Variants in MSL2 observed in about 807,000 individuals in gnomAD.
The protein encoded by MSL2 is MSL complex subunit 2.
In MSL2, 2 loss-of-function variants were observed where a neutral mutation model predicts 35.8. The observed-to-expected ratio is 0.06, with a 90% CI of 0.02 to 0.18. MSL2 has a LOEUF of 0.18. MSL2 is among the 10% of genes least tolerant of loss of function. The probability of loss-of-function intolerance (pLI) is 1.00; values close to 1 mark genes in which losing one functional copy is unlikely to be tolerated. For missense variants in MSL2, 523 were observed against 706.7 expected (o/e 0.74, Z 2.95); for synonymous variants, 296 against 255.7 (o/e 1.16, Z -1.50).
intron 1 of MSL2, among the ~76,000 whole-genome samples, chr3:136,178,678 G>A (rs570285351): frequency 6.6e-6 from 1 of 151,784 alleles, no homozygotes; most frequent in Non-Finnish European, 1.5e-5. Flanking sequence ...GAAATTACAG[G>A]CGCCCACCAT....
intron 1 of MSL2, among the ~76,000 whole-genome samples, chr3:136,191,377 A>T (rs538546186): frequency 9.2e-5 from 14 of 151,698 alleles, no homozygotes; most frequent in African/African-American, 3.4e-4. Flanking sequence ...CTGAGGCAGG[A>T]GAATCACTTG....
intron 1 of MSL2, among the ~76,000 whole-genome samples, chr3:136,165,099 T>G (rs966739386): frequency 6.6e-6 from 1 of 151,812 alleles, no homozygotes; most frequent in Non-Finnish European, 1.5e-5. Flanking sequence ...GGTCTTGAAC[T>G]GCTGGCGCTC....
chr3:136,174,028 C>T (rs1400965515), intron 1 of MSL2, among the ~76,000 whole-genome samples: 5 of 152,146 alleles, frequency 3.3e-5, no homozygotes, highest in Non-Finnish European at 5.9e-5. Flanking sequence ...AAGAGGAAGC[C>T]TTTCTTAATT....
intron 1 of MSL2, chr3:136,155,937 T>G: frequency 3.8e-6 from 2 of 524,538 alleles, no homozygotes; most frequent in Admixed American, 4.2e-5. Context: ...ACTCCAGAAC[T>G]ACTACTGTCT....
chr3:136,164,241 A>G (rs1394499831), intron 1 of MSL2, among the ~76,000 whole-genome samples: 2 of 152,208 alleles, frequency 1.3e-5, no homozygotes, highest in Non-Finnish European at 2.9e-5. Context: ...TAATCCAGCT[A>G]ATATGTTAAT....
In MSL2 at chr3:136,151,059, G is replaced by A. The variant is rs1939348574; in HGVS notation, c.*88C>T. 2 of 1,399,328 alleles carry A rather than the reference G, an allele frequency of 1.4e-6. No homozygotes were observed. The highest frequency in any genetic ancestry group is 3.9e-5 in the Admixed American group (2 of 51,098). 86.7% of individuals were successfully genotyped at this position (1,399,328 alleles called of 1,614,324 possible). On this transcript the variant is annotated 3_prime_UTR_variant, in exon 2 of 2. Transcript: ENST00000309993. This position sits in a 1 kb window ranked among gnomAD's most constrained non-coding sequence, Gnocchi z 5.2. ...TGATACAAGTGATCTATATGCAGGA[G>A]CTCCGGCAAGTTAAACCAACAGAAC...
chr3:136,165,589 A>C (rs1024785034), intron 1 of MSL2, among the ~76,000 whole-genome samples: 1 of 152,220 alleles, frequency 6.6e-6, no homozygotes, highest in Non-Finnish European at 1.5e-5. Flanking sequence ...TTAATGAGTG[A>C]ATCTTTTTAT....
At chr3:136,170,347 C>G (rs565197994) in intron 1 of MSL2, among the ~76,000 whole-genome samples, 153 of 78,676 alleles carry the variant, frequency 1.9e-3, no homozygotes, top group Non-Finnish European at 3.5e-3. Flanking sequence ...GAGCAAAAAT[C>G]CCTCTCAAAA....
At chr3:136,194,890 G>A (rs1940792507) in intron 1 of MSL2, 82 bp downstream of exon 1, 1 of 1,583,846 alleles carries the variant, frequency 6.3e-7, no homozygotes, top group Non-Finnish European at 8.6e-7. Flanking sequence ...CAACCACCAG[G>A]CCGTCAACCC....
rs554114210 is a variant in MSL2 at position 136,188,391 on chromosome 3, A to C, written c.142+6581T>G. On this transcript the variant is annotated intron_variant, in intron 1 of 1. Transcript: ENST00000309993. ...AGAGGTTGCAGTGAGCCGAGATCGC[A>C]CCACTGCAGTCCAGCCTGACAACAG... Among the ~76,000 whole-genome samples the C allele has an allele frequency of 2.0e-5, 3 of 150,898 alleles. No individual in the cohort carries two copies. The Admixed American group carries it at 2.0e-4, about 10-fold the overall frequency.
chr3:136,178,043 A>T lies in MSL2; in HGVS notation c.142+16929T>A, dbSNP rs1364595690. Among the ~76,000 whole-genome samples the T allele has an allele frequency of 2.6e-5, 4 of 152,180 alleles. No individual in the cohort carries two copies. The East Asian group carries it at 7.7e-4, about 29-fold the overall frequency. Reference sequence around the variant, plus strand: ...ACCAGTCAACTACCATTAAACAAAGACTCATCATAGGTTATTAAAAATGGA... The same window carrying T: ...ACCAGTCAACTACCATTAAACAAAGTCTCATCATAGGTTATTAAAAATGGA... On this transcript the variant is annotated intron_variant, in intron 1 of 1. Transcript: ENST00000309993.
intron 1 of MSL2, among the ~76,000 whole-genome samples, chr3:136,187,214 C>T (rs190155722): frequency 3.3e-5 from 5 of 152,292 alleles, no homozygotes; most frequent in Admixed American, 6.5e-5. Context: ...AACCCAACTA[C>T]GACAAAGATA....
Position 136,195,519 on chromosome 3 carries a change from G to T in MSL2, c.-406C>A, listed in dbSNP as rs1219942898. On this transcript the variant is annotated 5_prime_UTR_variant, in exon 1 of 2. Transcript: ENST00000309993. ...CTCCTCAAGTCGAGCTGGCAGGCGC[G>T]GGAGCAGGCCCCGGCCCCGTCTGAG... The T allele has an allele frequency of 3.0e-6, 3 of 1,012,460 alleles. No homozygotes were observed. Among genetic ancestry groups the T allele is most frequent in the African/African-American group, 3.5e-5 (2 of 57,468 alleles). The allele number at this position is 1,012,460 out of a possible 1,614,324, so 62.7% of individuals were successfully genotyped here.
At chr3:136,169,801 C>T (rs1206588343) in intron 1 of MSL2, among the ~76,000 whole-genome samples, 6 of 151,772 alleles carry the variant, frequency 4.0e-5, no homozygotes, top group Admixed American at 6.6e-5. Context: ...TGGCCAGGCA[C>T]GCTCCAGCAC....
chr3:136,182,194 G>A (rs937493884), intron 1 of MSL2, among the ~76,000 whole-genome samples: 2 of 152,156 alleles, frequency 1.3e-5, no homozygotes, highest in Admixed American at 1.3e-4. Context: ...TGGCTACTGA[G>A]CATTTACAAT....
At position 136,195,419 on chromosome 3, in the gene MSL2, G is replaced by A. The variant is rs892238772; in HGVS notation, c.-306C>T. 3.5e-6 allele frequency: 4 copies of A among 1,127,164 alleles called. No homozygotes were observed. The African/African-American group carries it at 6.6e-5, about 19-fold the overall frequency. 69.8% of individuals were successfully genotyped at this position (1,127,164 alleles called of 1,614,324 possible). On this transcript the variant is annotated 5_prime_UTR_variant, in exon 1 of 2. Transcript: ENST00000309993. ...GCGGCGGCTTGGGCGCTCGGGGCGG[G>A]ACTCGGAGCTCAGTCTAGCCCCGCG...
chr3:136,189,581 G>A (rs915545733), intron 1 of MSL2, among the ~76,000 whole-genome samples: 11 of 151,060 alleles, frequency 7.3e-5, no homozygotes, highest in East Asian at 3.9e-4. Context: ...AAAATTAGCC[G>A]GGCGAGGTGG....
At chr3:136,156,961 C>G (rs1485865315) in intron 1 of MSL2, among the ~76,000 whole-genome samples, 1 of 152,146 alleles carries the variant, frequency 6.6e-6, no homozygotes, top group Non-Finnish European at 1.5e-5. Context: ...TAGTTGTAAA[C>G]CGAGTGATAA....
chr3:136,186,519 G>T (rs771915792), intron 1 of MSL2, among the ~76,000 whole-genome samples: 1 of 152,162 alleles, frequency 6.6e-6, no homozygotes, highest in Non-Finnish European at 1.5e-5. Context: ...ACTCCCCACT[G>T]CTCGCATTAC....
Sources: allele counts gnomAD v4.1 joint callset (sites outside exome capture counted in the v4.1 genomes callset), GRCh38; gene constraint gnomAD v4.1.1; non-coding constraint Gnocchi (gnomAD v3.1); transcripts MANE v1.5; gene names NCBI Gene and HGNC (gene_info 2026-07-23, HGNC 2026-07-21).